Variants in SYBU observed in about 807,000 individuals in gnomAD.
The protein encoded by SYBU is GOLSYN A protein.
A neutral mutation model predicts 35.9 loss-of-function variants in SYBU; 21 were observed. The observed-to-expected ratio is 0.58, with a 90% confidence interval of 0.41 to 0.84. SYBU has a LOEUF of 0.84. Among genes scored for constraint, SYBU ranks in the 40% least tolerant of loss-of-function variants. SYBU has a pLI of 0.00. For synonymous variants in SYBU, 319 were observed against 324.3 expected, an observed-to-expected ratio of 0.98 and a Z score of 0.18; for missense variants, 768 against 848.2, an observed-to-expected ratio of 0.91 and a Z score of 1.17.
intron 1 of SYBU, among the ~76,000 whole-genome samples, chr8:109,669,077 TCA>T (rs1464098204): frequency 6.6e-6 from 1 of 151,930 alleles, no homozygotes; most frequent in Non-Finnish European, 1.5e-5. Flanking sequence ...GCGTGGTGGC[TCA>T]CACCTGTAAT....
intron 3 of SYBU, among the ~76,000 whole-genome samples, chr8:109,588,435 T>C (rs752971792): frequency 6.6e-5 from 10 of 152,242 alleles, no homozygotes; most frequent in Admixed American, 2.0e-4. Flanking sequence ...TCTTACCTTC[T>C]GTACATCTGA....
At chr8:109,668,265 G>T (rs1816840718) in intron 1 of SYBU, among the ~76,000 whole-genome samples, 2 of 150,722 alleles carry the variant, frequency 1.3e-5, no homozygotes, top group Non-Finnish European at 2.9e-5. Flanking sequence ...GCGAGGTGTA[G>T]ATTTGCTGTC....
intron 3 of SYBU, among the ~76,000 whole-genome samples, chr8:109,605,970 G>A (rs1036541724): frequency 6.6e-6 from 1 of 151,980 alleles, no homozygotes; most frequent in African/African-American, 2.4e-5. Flanking sequence ...CTCAGACTGT[G>A]GTATCTTACC....
intron 3 of SYBU, among the ~76,000 whole-genome samples, chr8:109,592,830 A>G (rs1824436530): frequency 6.6e-6 from 1 of 152,110 alleles, no homozygotes; most frequent in Non-Finnish European, 1.5e-5. Context: ...CACATTTTAA[A>G]AGGTTAATTT....
chr8:109,661,874 C>T (rs1036587990), intron 1 of SYBU, among the ~76,000 whole-genome samples: 2 of 152,158 alleles, frequency 1.3e-5, no homozygotes, highest in East Asian at 1.9e-4. Context: ...TTAAAATTGA[C>T]ATTTCTGTAC....
intron 3 of SYBU, among the ~76,000 whole-genome samples, chr8:109,599,160 C>G (rs924386299): frequency 1.2e-4 from 19 of 152,196 alleles, no homozygotes; most frequent in Non-Finnish European, 2.8e-4. Context: ...CTGTATCCCC[C>G]ACCAGAGAGC....
At position 109,575,651 on chromosome 8, in the gene SYBU, A is replaced by G; in HGVS notation, c.1247T>C (p.Leu416Pro). 6.2e-7 allele frequency: 1 copy of G among 1,613,996 alleles called. No individual in the cohort carries two copies. The highest frequency in any genetic ancestry group is 8.5e-7 in the Non-Finnish European group (1 of 1,179,972). Residue 416 changes from leucine to proline, a missense_variant, in exon 7 of 7, where the codon CTG (leucine) becomes CCG (proline). Leu to Pro is a moderately conservative substitution (Grantham distance 98). Transcript: ENST00000276646. ...PLDTMADGLS[L>P]EEQVTGEGAD... is the part of the protein sequence containing the mutation. ...CCCTTCCCCCGTGACCTGCTCTTCC[A>G]GAGATAACCCATCTGCCATTGTGTC...
At chr8:109,675,496 A>C (rs1446028085) in intron 1 of SYBU, among the ~76,000 whole-genome samples, 2 of 152,234 alleles carry the variant, frequency 1.3e-5, no homozygotes, top group African/African-American at 4.8e-5. Flanking sequence ...ACCATCAGAG[A>C]ATACTATAAA....
chr8:109,605,728 A>C (rs1023897362), intron 3 of SYBU, among the ~76,000 whole-genome samples: 1 of 152,226 alleles, frequency 6.6e-6, no homozygotes, highest in African/African-American at 2.4e-5. Flanking sequence ...TTAGTGCAAA[A>C]GGAAAAATCC....
At chr8:109,603,711 C>T (rs1318298317) in intron 3 of SYBU, among the ~76,000 whole-genome samples, 2 of 152,172 alleles carry the variant, frequency 1.3e-5, no homozygotes, top group Admixed American at 1.3e-4. Flanking sequence ...AGGGAATAAG[C>T]AGGCTTTGGA....
At chr8:109,607,951 C>A (rs1333174033) in intron 3 of SYBU, 1 of 1,535,108 alleles carries the variant, frequency 6.5e-7, no homozygotes, top group East Asian at 2.4e-5. Flanking sequence ...CAAACATTGC[C>A]TCTGCAAACA....
intron 3 of SYBU, among the ~76,000 whole-genome samples, chr8:109,617,965 A>C (rs963085525): frequency 2.6e-5 from 4 of 152,228 alleles, no homozygotes; most frequent in Admixed American, 1.3e-4. Context: ...CCTTGGCCCC[A>C]TCAAAATAAA....
intron 3 of SYBU, among the ~76,000 whole-genome samples, chr8:109,602,942 T>C (rs1447413716): frequency 6.6e-6 from 1 of 151,896 alleles, no homozygotes; most frequent in Admixed American, 6.6e-5. Flanking sequence ...CACAAGAAAA[T>C]ATTTCCAAGA....
chr8:109,617,576 T>A (rs547821069), intron 3 of SYBU, among the ~76,000 whole-genome samples: 3 of 152,300 alleles, frequency 2.0e-5, no homozygotes, highest in Admixed American at 6.5e-5. Context: ...TGGCTAAAAT[T>A]TCATGACATT....
intron 3 of SYBU, among the ~76,000 whole-genome samples, chr8:109,589,029 G>C (rs1823933576): frequency 6.6e-6 from 1 of 152,142 alleles, no homozygotes; most frequent in African/African-American, 2.4e-5. Context: ...GTGTGGTGGT[G>C]AGCGCCTGTA....
intron 4 of SYBU, 83 bp from the exon 5 acceptor site, chr8:109,580,085 A>AGT: frequency 5.3e-6 from 7 of 1,326,170 alleles, no homozygotes; most frequent in Middle Eastern, 2.6e-4. Flanking sequence ...AAATCTAAGG[A>AGT]AATCCAATTT....
At chr8:109,651,975 C>T (rs1289742410) in intron 1 of SYBU, among the ~76,000 whole-genome samples, 2 of 152,216 alleles carry the variant, frequency 1.3e-5, no homozygotes, top group South Asian at 4.1e-4. Flanking sequence ...TGCACAGACA[C>T]CTATCACTCA....
chr8:109,640,196 G>A (rs748566697), intron 2 of SYBU, among the ~76,000 whole-genome samples: 51 of 152,218 alleles, frequency 3.4e-4, no homozygotes, highest in Non-Finnish European at 5.9e-4. Flanking sequence ...ATCTACTTTC[G>A]ATTTTCATGT....
intron 1 of SYBU, among the ~76,000 whole-genome samples, chr8:109,651,448 CTTTTTTT>C (rs535652540): frequency 1.4e-4 from 9 of 64,500 alleles, no homozygotes; most frequent in African/African-American, 2.1e-4. Context: ...GAAATTGAGA[CTTTTTTT>C]TTTTTTTTTT....
Sources: allele counts gnomAD v4.1 joint callset (sites outside exome capture counted in the v4.1 genomes callset), GRCh38; gene constraint gnomAD v4.1.1; transcripts MANE v1.5; gene names NCBI Gene and HGNC (gene_info 2026-07-23, HGNC 2026-07-21).